VAC14: variants seen among roughly 807,000 people sequenced by gnomAD.
VAC14 encodes VAC14 component of PIKFYVE complex.
In VAC14, 47 loss-of-function variants were observed where a neutral mutation model predicts 85.3. That is an observed-to-expected ratio of 0.55 (90% CI 0.44 to 0.70). The LOEUF is 0.70. Ranked by LOEUF, VAC14 falls within the 30% of genes least tolerant of loss-of-function variation. The pLI, the probability that VAC14 is intolerant of heterozygous loss-of-function variation, is 0.00. For missense variants in VAC14, 861 were observed against 1,004.3 expected (o/e 0.86, Z 1.93); for synonymous variants, 447 against 430.5 (o/e 1.04, Z -0.47).
At chr16:70,722,416 G>A (rs868211770) in intron 14 of VAC14, among the ~76,000 whole-genome samples, 4 of 152,344 alleles carry the variant, frequency 2.6e-5, no homozygotes, top group East Asian at 1.9e-4. Context: ...TGGTCTGGGC[G>A]GCCTTTCACA....
At chr16:70,710,987 G>C (rs999146133) in intron 14 of VAC14, among the ~76,000 whole-genome samples, 4 of 152,236 alleles carry the variant, frequency 2.6e-5, no homozygotes, top group African/African-American at 4.8e-5. Flanking sequence ...GGGGCACCTC[G>C]AGTGCTCTGC....
chr16:70,737,640 G>A (rs1396750029), intron 13 of VAC14, among the ~76,000 whole-genome samples: 1 of 152,220 alleles, frequency 6.6e-6, no homozygotes, highest in East Asian at 1.9e-4. Context: ...CAGAAACCCA[G>A]GCTGGCGGGG....
intron 14 of VAC14, among the ~76,000 whole-genome samples, chr16:70,704,127 C>G (rs770291314): frequency 6.6e-6 from 1 of 152,196 alleles, no homozygotes; most frequent in African/African-American, 2.4e-5. Context: ...CAAACCCCCA[C>G]CTGGCATCCA....
intron 14 of VAC14, among the ~76,000 whole-genome samples, chr16:70,724,264 C>A (rs941573867): frequency 1.3e-5 from 2 of 152,168 alleles, no homozygotes; most frequent in Non-Finnish European, 2.9e-5. Context: ...ACAGGGAGTG[C>A]CAGTGTGTAT....
rs2033244254 is a variant in VAC14, at chr16:70,771,834, G to A, written c.1160+275C>T. 2.1e-5 allele frequency: 8 copies of A among 380,250 alleles called. 1 individual carries two copies. The South Asian group carries it at 3.5e-4, about 17-fold the overall frequency. The allele number at this position is 380,250 out of a possible 1,614,324, so 23.6% of individuals were successfully genotyped here. On this transcript the variant is annotated intron_variant, in intron 10 of 18. Transcript: ENST00000261776. ...GAGCTCAAGCGATGTGCCTGCCTTG[G>A]CCTCCCCAAGTGCTGGGATTAGAGG...
intron 14 of VAC14, among the ~76,000 whole-genome samples, chr16:70,718,092 C>T (rs1025840619): frequency 1.1e-4 from 17 of 152,240 alleles, no homozygotes; most frequent in African/African-American, 4.1e-4. Context: ...GCTCTGTGAC[C>T]AGCCACTGCC....
chr16:70,724,528 T>C (rs577829668), intron 14 of VAC14, among the ~76,000 whole-genome samples: 18 of 152,294 alleles, frequency 1.2e-4, no homozygotes, highest in African/African-American at 4.1e-4. Flanking sequence ...CCAACAGTCT[T>C]TTCTGTGTGT....
intron 18 of VAC14, chr16:70,689,240 G>C (rs1323918979): frequency 1.0e-6 from 1 of 984,940 alleles, no homozygotes; most frequent in Admixed American, 6.1e-5. Flanking sequence ...GCCTTGACAC[G>C]ATGTGTAAGA....
At chr16:70,786,036 C>A (rs1344866269) in intron 2 of VAC14, 167 bp from the exon 3 acceptor site, 16 of 1,342,744 alleles carry the variant, frequency 1.2e-5, no homozygotes, top group Non-Finnish European at 1.6e-5. Flanking sequence ...AGGGCCCATG[C>A]CTAGGGGACC....
intron 6 of VAC14, 97 bp downstream of exon 6, chr16:70,783,348 C>A: frequency 7.9e-7 from 1 of 1,273,130 alleles, no homozygotes; most frequent in Non-Finnish European, 1.1e-6. Flanking sequence ...GAGGTGATTT[C>A]CTGCCCTCCT....
chr16:70,779,231 C>G (rs374974841), intron 9 of VAC14: 1 of 152,328 alleles, frequency 6.6e-6, no homozygotes, highest in East Asian at 1.9e-4. Context: ...TTTTACCAGC[C>G]AAACCTATGG....
intron 10 of VAC14, chr16:70,771,327 C>T (rs749786603): frequency 2.6e-5 from 4 of 152,074 alleles, no homozygotes; most frequent in East Asian, 1.9e-4. Context: ...CTCCTGGGGC[C>T]GGTGATTTAT....
At chr16:70,732,872 C>T (rs1219093563) in intron 13 of VAC14, among the ~76,000 whole-genome samples, 3 of 152,058 alleles carry the variant, frequency 2.0e-5, no homozygotes, top group Admixed American at 1.3e-4. Context: ...TGGTCTCGAA[C>T]TCCTGACCTC....
At position 70,783,562 on chromosome 16, in the gene VAC14, G is replaced by C. The variant is rs771467598; in HGVS notation, c.595-8C>G. 26 of 1,613,018 alleles carry C rather than the reference G, an allele frequency of 1.6e-5. No homozygotes were observed. In the South Asian group the frequency reaches 2.7e-4, roughly 17 times the overall value. ...CGACTCCAGAACCAGGATCTGACCA[G>C]GGGAAGGGAACAGGAGGGGAAGTCA... On this transcript the variant is annotated splice_region_variant and splice_polypyrimidine_tract_variant and intron_variant, in intron 5 of 18. Transcript: ENST00000261776.
intron 10 of VAC14, among the ~76,000 whole-genome samples, chr16:70,764,574 A>G (rs1304056742): frequency 6.6e-6 from 1 of 152,240 alleles, no homozygotes; most frequent in African/African-American, 2.4e-5. Flanking sequence ...TACATCTTCC[A>G]GTTTTCAATT....
intron 9 of VAC14, among the ~76,000 whole-genome samples, chr16:70,775,181 T>G (rs375910404): frequency 6.6e-6 from 1 of 152,218 alleles, no homozygotes; most frequent in Non-Finnish European, 1.5e-5. Flanking sequence ...TGATCATTAT[T>G]TATATTGTTG....
Position 70,697,121 on chromosome 16 carries a change from C to G in VAC14, c.1955+18G>C, listed in dbSNP as rs142331904. 6.2e-7 allele frequency: 1 copy of G among 1,604,120 alleles called. No homozygotes were observed. Among genetic ancestry groups the G allele is most frequent in the Non-Finnish European group, 8.5e-7 (1 of 1,171,714 alleles). The stretch of plus-strand genomic sequence containing the variant: ...CCCCTCAGAGGCTCAACCCCAACCA[C>G]AGTGAGAGGAAGGATACAACTTCTG... On this transcript the variant is annotated intron_variant, in intron 16 of 18. Coordinates refer to ENST00000261776, the MANE Select transcript of VAC14 (RefSeq NM_018052.5).
At position 70,693,552 on chromosome 16, in the gene VAC14, ACATGCCAGCCCTGCCACCACCCTGGCGGG is replaced by A. The variant is rs1225147632; in HGVS notation, c.2036-610_2036-582del. Among the ~76,000 whole-genome samples the A allele has an allele frequency of 3.9e-5, 6 of 152,192 alleles. No homozygotes were observed. In the East Asian group the frequency reaches 1.2e-3, roughly 29 times the overall value. On this transcript the variant is annotated intron_variant, in intron 17 of 18. Transcript: ENST00000261776. ...GGAGGTGCTTCTGGGGCTCCGGCTC[ACATGCCAGCCCTGCCACCACCCTGGCGGG>A]GGAAAGAGATGCACCCGGGGGGCTG...
chr16:70,751,789 C>T (rs2031408512), intron 12 of VAC14, among the ~76,000 whole-genome samples: 1 of 152,220 alleles, frequency 6.6e-6, no homozygotes, highest in Admixed American at 6.5e-5. Flanking sequence ...CCAGCTGGCA[C>T]CGGGGCCAGA....
Sources: gnomAD v4.1 joint callset for allele counts (sites outside exome capture counted in the v4.1 genomes callset) on GRCh38, gnomAD v4.1.1 for gene constraint, MANE v1.5 for transcripts, NCBI Gene and HGNC (gene_info 2026-07-23, HGNC 2026-07-21) for gene names.